The following GAD2 variants were observed in gnomAD, a reference collection of about 807,000 sequenced individuals.
The protein encoded by GAD2 is 65 kDa glutamic acid decarboxylase.
GAD2 carries 22 observed loss-of-function variants against 80.1 expected under a neutral mutation model. The observed-to-expected ratio is 0.27, with a 90% CI of 0.20 to 0.39. The LOEUF is 0.39. Among genes scored for constraint, GAD2 ranks in the 10% least tolerant of loss-of-function variants. The pLI, the probability that GAD2 is intolerant of heterozygous loss-of-function variation, is 1.00. For missense variants in GAD2, 624 were observed against 738.4 expected (o/e 0.85, Z 1.80); for synonymous variants, 274 against 256.9 (o/e 1.07, Z -0.64).
chr10:26,290,712 A>G (rs1329724791), intron 13 of GAD2, among the ~76,000 whole-genome samples: 2 of 152,190 alleles, frequency 1.3e-5, no homozygotes, highest in Non-Finnish European at 2.9e-5. Flanking sequence ...AGCTCTCAAG[A>G]TGTCAAACCC....
chr10:26,284,741 T>C (rs1845311385), intron 12 of GAD2, among the ~76,000 whole-genome samples: 2 of 151,994 alleles, frequency 1.3e-5, no homozygotes, highest in South Asian at 4.2e-4. Flanking sequence ...AGCTAATTTT[T>C]TGTATTTTTA....
intron 13 of GAD2, among the ~76,000 whole-genome samples, chr10:26,288,473 C>T (rs1366048241): frequency 6.6e-6 from 1 of 152,166 alleles, no homozygotes; most frequent in African/African-American, 2.4e-5. Flanking sequence ...GTCCCCACCA[C>T]CTAGTGGGAG....
chr10:26,248,089 C>A lies in GAD2; in HGVS notation c.920+2089C>A, dbSNP rs1042862212. On this transcript the variant is annotated intron_variant, in intron 8 of 15. Transcript: ENST00000376261. ...ACCAACCAAGGTGAATTGAGCAGCT[C>A]ATGCTTAAGACTCAGCCTCCCCGAT... Among the ~76,000 whole-genome samples the A allele has an allele frequency of 3.7e-4, 56 of 152,102 alleles. 2 individuals are homozygous for A. The highest frequency in any genetic ancestry group is 1.5e-5 in the Non-Finnish European group (1 of 68,012).
At chr10:26,255,998 A>T (rs954282389) in intron 8 of GAD2, among the ~76,000 whole-genome samples, 3 of 152,176 alleles carry the variant, frequency 2.0e-5, no homozygotes, top group Non-Finnish European at 4.4e-5. Context: ...ACACCCTTAG[A>T]GTTGGAAAGG....
chr10:26,239,906 A>G (rs1330581), intron 7 of GAD2, among the ~76,000 whole-genome samples: 64,610 of 152,016 alleles, frequency 0.43, 17,924 homozygotes, highest in African/African-American at 0.8. Context: ...AAAGACAGAA[A>G]ATGAGGTAGG....
rs771976737 is a variant in GAD2 at position 26,217,826 on chromosome 10, C to T, written c.137-16C>T. On this transcript the variant is annotated splice_polypyrimidine_tract_variant and intron_variant, in intron 2 of 15. Coordinates refer to ENST00000376261, the MANE Select transcript of GAD2 (RefSeq NM_001134366.2). The surrounding 1 kb of genome is among the most constrained non-coding windows in gnomAD (Gnocchi z 4.9). ...GCGGAGGATTGACGAGGCCCGCGTT[C>T]GGTGTCCTTACCCAGCCCTGCTCTA... is the stretch of plus-strand genomic sequence containing the variant. The T allele has an allele frequency of 2.2e-5, 35 of 1,594,154 alleles. No homozygotes were observed. Among genetic ancestry groups the T allele is most frequent in the Non-Finnish European group, 3.0e-5 (35 of 1,169,574 alleles).
intron 8 of GAD2, among the ~76,000 whole-genome samples, chr10:26,247,584 C>G (rs1299914675): frequency 6.6e-6 from 1 of 151,956 alleles, no homozygotes; most frequent in Non-Finnish European, 1.5e-5. Context: ...TACGGTGGCT[C>G]ACGTGGAATT....
intron 9 of GAD2, among the ~76,000 whole-genome samples, chr10:26,269,886 C>T (rs990167372): frequency 2.6e-5 from 4 of 152,112 alleles, no homozygotes; most frequent in African/African-American, 9.7e-5. Flanking sequence ...GAGAAGGTTT[C>T]CCTCCTTGTG....
chr10:26,301,034 T>A lies in GAD2; in HGVS notation c.*73T>A. 3 of 1,286,408 alleles carry A rather than the reference T, an allele frequency of 2.3e-6. No individual in the cohort carries two copies. In the South Asian group the frequency reaches 3.7e-5, roughly 16 times the overall value. The allele number at this position is 1,286,408 out of a possible 1,614,324, so 79.7% of individuals were successfully genotyped here. On this transcript the variant is annotated 3_prime_UTR_variant, in exon 16 of 16. Transcript: ENST00000376261. ...TTGTCACAAACTGTGTGAATGTATT[T>A]GTAGTTTGTTCCAAAGTAAATCTAT...
rs545423782 is a variant in GAD2 at position 26,301,020 on chromosome 10, T to C, written c.*59T>C. On this transcript the variant is annotated 3_prime_UTR_variant, in exon 16 of 16. Transcript: ENST00000376261. The stretch of plus-strand genomic sequence containing the variant: ...GGTAGACAATTAAGTTGTCACAAAC[T>C]GTGTGAATGTATTTGTAGTTTGTTC... 36 of 1,357,918 alleles carry C rather than the reference T, an allele frequency of 2.7e-5. No homozygotes were observed. The South Asian group carries it at 3.2e-4, about 12-fold the overall frequency. 84.1% of individuals were successfully genotyped at this position (1,357,918 alleles called of 1,614,324 possible). A position where few individuals can be genotyped will look rare whatever the true frequency, so the allele number is the denominator to read the frequency against.
At chr10:26,224,102 G>T in intron 5 of GAD2, 125 bp downstream of exon 5, 1 of 641,378 alleles carries the variant, frequency 1.6e-6, no homozygotes, top group Admixed American at 2.6e-5. Context: ...ACAAACTTCT[G>T]AAGTGTGAGT....
chr10:26,269,458 A>G (rs1014446336), intron 9 of GAD2, among the ~76,000 whole-genome samples: 1 of 152,250 alleles, frequency 6.6e-6, no homozygotes, highest in Non-Finnish European at 1.5e-5. Flanking sequence ...ACACCCACAC[A>G]TTTGAAAGAA....
Position 26,291,306 on chromosome 10 carries a change from T to C in GAD2, c.1387-1159T>C, listed in dbSNP as rs921630830. 2.6e-5 allele frequency among the ~76,000 whole-genome samples: 4 copies of C among 152,138 alleles called. No individual in the cohort carries two copies. In the South Asian group the frequency reaches 6.2e-4, roughly 24 times the overall value. On this transcript the variant is annotated intron_variant, in intron 13 of 15. Coordinates refer to ENST00000376261, the MANE Select transcript of GAD2 (RefSeq NM_001134366.2). The stretch of plus-strand genomic sequence containing the variant: ...CCAATTATAATCTCCTTAGCACCCA[T>C]AGATGCAGAGAGCTCCTGGTATGGG...
chr10:26,250,918 C>A (rs190048502), intron 8 of GAD2, among the ~76,000 whole-genome samples: 1 of 122,832 alleles, frequency 8.1e-6, no homozygotes, highest in Non-Finnish European at 1.6e-5. Flanking sequence ...CTTGCTCTGT[C>A]GCCCAGGCTG....
chr10:26,288,373 G>A (rs2132317267), intron 13 of GAD2, among the ~76,000 whole-genome samples: 2 of 152,326 alleles, frequency 1.3e-5, no homozygotes. Flanking sequence ...TTTACATGAA[G>A]TGAAGCTCCA....
At position 26,303,036 on chromosome 10, in the gene GAD2, A is replaced by G. The variant is rs576727506; in HGVS notation, c.*2075A>G. The stretch of plus-strand genomic sequence containing the variant: ...TTCCACTTCAGAGACAGAGATGCTA[A>G]TTGATCCAACCTGCTGTCCTTCGTG... On this transcript the variant is annotated 3_prime_UTR_variant, in exon 16 of 16. Transcript: ENST00000376261. 6.6e-6 allele frequency: 1 copy of G among 152,346 alleles called. No individual in the cohort carries two copies. Among genetic ancestry groups the G allele is most frequent in the East Asian group, 1.9e-4 (1 of 5,176 alleles). 9.4% of individuals were successfully genotyped at this position (152,346 alleles called of 1,614,324 possible).
intron 13 of GAD2, among the ~76,000 whole-genome samples, chr10:26,290,303 A>G (rs1834199115): frequency 6.6e-6 from 1 of 152,374 alleles, no homozygotes; most frequent in African/African-American, 2.4e-5. Context: ...AGGACTGATC[A>G]CAAAAGAAAT....
chr10:26,223,876 AT>A lies in GAD2; in HGVS notation c.521-7del. 1 of 1,566,086 alleles carries A rather than the reference AT, an allele frequency of 6.4e-7. No individual in the cohort carries two copies. Among genetic ancestry groups the A allele is most frequent in the Non-Finnish European group, 8.7e-7 (1 of 1,148,842 alleles). ...GAGGCAATCCTGATTCTGGTATTCC[AT>A]TTTATTCAGGGCATCCTAGATACTT... On this transcript the variant is annotated splice_polypyrimidine_tract_variant and intron_variant, in intron 4 of 15. Transcript: ENST00000376261.
intron 12 of GAD2, 94 bp from the exon 13 acceptor site, chr10:26,286,251 A>G (rs1845330332): frequency 2.7e-6 from 3 of 1,108,398 alleles, no homozygotes; most frequent in Non-Finnish European, 3.9e-6. Context: ...AAGATATGCA[A>G]TGTCTCTTAC....
Sources: allele counts gnomAD v4.1 joint callset (sites outside exome capture counted in the v4.1 genomes callset), GRCh38; gene constraint gnomAD v4.1.1; non-coding constraint Gnocchi (gnomAD v3.1); transcripts MANE v1.5; gene names NCBI Gene and HGNC (gene_info 2026-07-23, HGNC 2026-07-21).